Variants in ZNF599 observed in about 807,000 individuals in gnomAD.
The protein encoded by ZNF599 is zinc finger protein 599.
Under a neutral mutation model 11.7 loss-of-function variants are expected in ZNF599, and 10 were observed. That is an observed-to-expected ratio of 0.86 (90% CI 0.53 to 1.45). The LOEUF (loss-of-function observed/expected upper bound fraction) is 1.45. Ranked by LOEUF, ZNF599 falls within the 40% of genes most tolerant of loss-of-function variation. The pLI is 0.00. For missense variants in ZNF599, 688 were observed against 713.6 expected (o/e 0.96, Z 0.41); for synonymous variants, 232 against 253.2 (o/e 0.92, Z 0.79).
Position 34,760,332 on chromosome 19 carries a change from A to T in ZNF599, c.469T>A (p.Leu157Met). The T allele has an allele frequency of 6.2e-7, 1 of 1,614,092 alleles. No individual in the cohort carries two copies. Among genetic ancestry groups the T allele is most frequent in the Non-Finnish European group, 8.5e-7 (1 of 1,180,006 alleles). The change falls in exon 4 of 4, where the codon TTG (leucine) becomes ATG (methionine). Residue 157 changes from leucine to methionine, a missense_variant. Physicochemically the swap from Leu to Met is conservative, Grantham distance 15. Transcript: ENST00000329285. Reference sequence around the variant, plus strand: ...AAGCCCAGACTATCATCTGGCTCCAAATCATCATGTTTATAACTCAACTTC... The same window carrying T: ...AAGCCCAGACTATCATCTGGCTCCATATCATCATGTTTATAACTCAACTTC... ...PEKLSYKHDD[L>M]EPDDSLGLRV...
At chr19:34,803,272 C>T in the ZNF599 span, among the ~76,000 whole-genome samples, 3 of 152,100 alleles carry the variant, frequency 2.0e-5, no homozygotes, top group Non-Finnish European at 4.4e-5. Context: ...GTCCATTGTC[C>T]TAATGTGAGA....
At chr19:34,777,502 A>C (rs1250268809), upstream of ZNF599, among the ~76,000 whole-genome samples, 2 of 111,510 alleles carry the variant, frequency 1.8e-5, no homozygotes, top group African/African-American at 7.1e-5. Context: ...GATATATATT[A>C]ATATATTATA....
At chr19:34,787,719 C>G in the ZNF599 span, among the ~76,000 whole-genome samples, 1 of 152,186 alleles carries the variant, frequency 6.6e-6, no homozygotes, top group Non-Finnish European at 1.5e-5. Flanking sequence ...ACAGAATTAT[C>G]AGGTACTGCT....
chr19:34,803,530 A>T, the ZNF599 span, among the ~76,000 whole-genome samples: 1 of 151,892 alleles, frequency 6.6e-6, no homozygotes, highest in Non-Finnish European at 1.5e-5. Flanking sequence ...TCTCTTGAGG[A>T]CCCCCAGTAC....
chr19:34,769,335 G>T, intron 2 of ZNF599, 94 bp downstream of exon 2: 1 of 1,571,722 alleles, frequency 6.4e-7, no homozygotes, highest in Non-Finnish European at 8.7e-7. Context: ...ATCAGGGAAG[G>T]TTGGGTTCTG....
At chr19:34,772,544 G>A (rs1367560494) in intron 1 of ZNF599, 1 of 1,332,452 alleles carries the variant, frequency 7.5e-7, no homozygotes. Flanking sequence ...ACTGAGACTC[G>A]CATTTTAGAC....
chr19:34,779,482 G>A, the ZNF599 span: 1 of 456,544 alleles, frequency 2.2e-6, no homozygotes, highest in Non-Finnish European at 4.4e-6. Flanking sequence ...CTGGGGCTTT[G>A]GATAATTTCT....
upstream of ZNF599, among the ~76,000 whole-genome samples, chr19:34,777,911 G>A (rs1240922714): frequency 6.6e-6 from 1 of 151,966 alleles, no homozygotes; most frequent in Non-Finnish European, 1.5e-5. Context: ...CACAGTGCCT[G>A]TAGTTAACGA....
chr19:34,768,553 T>C (rs2069160110), intron 2 of ZNF599, among the ~76,000 whole-genome samples: 1 of 152,250 alleles, frequency 6.6e-6, no homozygotes, highest in Non-Finnish European at 1.5e-5. Context: ...TGGTATTTAT[T>C]AATTTGTTAA....
the ZNF599 span, among the ~76,000 whole-genome samples, chr19:34,793,091 C>T: frequency 6.6e-6 from 1 of 151,892 alleles, no homozygotes; most frequent in Non-Finnish European, 1.5e-5. Flanking sequence ...CCTGATAGCT[C>T]GATCTAGTGG....
the ZNF599 span, among the ~76,000 whole-genome samples, chr19:34,796,064 G>T: frequency 6.6e-6 from 1 of 151,766 alleles, no homozygotes; most frequent in Admixed American, 6.5e-5. Context: ...CAGGTGATCC[G>T]CCCGCCTCAG....
chr19:34,760,048 C>G lies in ZNF599; in HGVS notation c.753G>C (p.Gly251=), dbSNP rs778774560. 1.4e-5 allele frequency: 23 copies of G among 1,613,904 alleles called. No homozygotes were observed. Among genetic ancestry groups the G allele is most frequent in the Non-Finnish European group, 1.9e-5 (23 of 1,179,976 alleles). The change falls in exon 4 of 4, where the codon GGG becomes GGC. Residue 251 remains glycine, a synonymous_variant. Coordinates refer to ENST00000329285, the MANE Select transcript of ZNF599 (RefSeq NM_001007248.3). ...ACTCAATACACTTGTATGGTTTTTCCCCAGTATGAAGCCTCATATGTCGAA... is the reference window on the plus strand; with the variant it reads ...ACTCAATACACTTGTATGGTTTTTCGCCAGTATGAAGCCTCATATGTCGAA... The part of the protein sequence containing the change: ...DVIRHMRLHT[G]EKPYKCIECG...
At chr19:34,763,936 GC>G (rs1441184936) in intron 3 of ZNF599, 1 of 152,018 alleles carries the variant, frequency 6.6e-6, no homozygotes, top group African/African-American at 2.4e-5. Flanking sequence ...AAAAAATTCA[GC>G]CAGGTGTGGT....
the ZNF599 span, among the ~76,000 whole-genome samples, chr19:34,784,011 A>C: frequency 1.3e-5 from 2 of 152,032 alleles, no homozygotes; most frequent in Admixed American, 1.3e-4. Flanking sequence ...CCTGCCCAAG[A>C]CCCCCTGTAT....
At chr19:34,763,667 T>C (rs922854761) in intron 3 of ZNF599, 6 of 152,228 alleles carry the variant, frequency 3.9e-5, no homozygotes, top group African/African-American at 7.2e-5. Context: ...ACGCAGTCTA[T>C]AGTATTTTAT....
the ZNF599 span, among the ~76,000 whole-genome samples, chr19:34,790,597 G>T: frequency 6.6e-6 from 1 of 152,122 alleles, no homozygotes; most frequent in African/African-American, 2.4e-5. Flanking sequence ...CGGAAGGCCT[G>T]GGGGGAGGAG....
the ZNF599 span, among the ~76,000 whole-genome samples, chr19:34,791,417 T>C: frequency 6.6e-6 from 1 of 152,240 alleles, no homozygotes; most frequent in Non-Finnish European, 1.5e-5. Flanking sequence ...TGTGTGGACC[T>C]GTGTGGATCT....
rs114446086 is a variant in ZNF599, at chr19:34,767,855, G to A, written c.146-444C>T. ...CAGGGCCCTAGACCAAGGAGAGAAA[G>A]CAGACAGAGAACTGGGTTAGCATGG... On this transcript the variant is annotated intron_variant, in intron 2 of 3. Coordinates refer to ENST00000329285, the MANE Select transcript of ZNF599 (RefSeq NM_001007248.3). 3.0e-3 allele frequency among the ~76,000 whole-genome samples: 450 copies of A among 152,334 alleles called. 6 individuals are homozygous for A. Among genetic ancestry groups the A allele is most frequent in the African/African-American group, 0.01 (435 of 41,576 alleles).
the ZNF599 span, among the ~76,000 whole-genome samples, chr19:34,785,114 TC>T: frequency 1.3e-5 from 2 of 151,640 alleles, no homozygotes; most frequent in Non-Finnish European, 2.9e-5. Context: ...ACTTAAAATC[TC>T]CCCTACAACC....
Sources: gnomAD v4.1 joint callset for allele counts (sites outside exome capture counted in the v4.1 genomes callset) on GRCh38, gnomAD v4.1.1 for gene constraint, MANE v1.5 for transcripts, NCBI Gene and HGNC (gene_info 2026-07-23, HGNC 2026-07-21) for gene names.